EDARADD: variants seen among roughly 807,000 people sequenced by gnomAD.
EDARADD encodes EDAR associated via death domain.
EDARADD carries 20 observed loss-of-function variants against 25.6 expected under a neutral mutation model. The ratio of observed to expected loss-of-function variants is 0.78; its 90% CI spans 0.55 to 1.14. The LOEUF is 1.14. Ranked by LOEUF, EDARADD falls within the 50% of genes most tolerant of loss-of-function variation. The pLI, the probability that EDARADD is intolerant of heterozygous loss-of-function variation, is 0.00. For synonymous variants in EDARADD, 86 were observed against 94.4 expected (o/e 0.91, Z 0.52); for missense variants, 225 against 270.1 (o/e 0.83, Z 1.17).
chr1:236,397,722 C>T (rs1042261006), intron 1 of EDARADD, among the ~76,000 whole-genome samples: 2 of 152,148 alleles, frequency 1.3e-5, no homozygotes, highest in Non-Finnish European at 2.9e-5. Flanking sequence ...GAGCTCCCCA[C>T]CAGTTGGCAG....
chr1:236,374,626 T>G (rs1667205664), intron 3 of EDARADD, among the ~76,000 whole-genome samples: 1 of 152,118 alleles, frequency 6.6e-6, no homozygotes, highest in Non-Finnish European at 1.5e-5. Context: ...TATGTCTTCT[T>G]GAATAATTGA....
At chr1:236,448,468 G>A (rs1315132782) in intron 4 of EDARADD, among the ~76,000 whole-genome samples, 1 of 152,170 alleles carries the variant, frequency 6.6e-6, no homozygotes, top group Non-Finnish European at 1.5e-5. Context: ...GGCCCACAAT[G>A]ACAGCCCCAG....
chr1:236,466,457 ACACT>A (rs1285985728), intron 4 of EDARADD, among the ~76,000 whole-genome samples: 46 of 152,064 alleles, frequency 3.0e-4, no homozygotes, highest in East Asian at 1.4e-3. Flanking sequence ...ACACACACAC[ACACT>A]CACACTCACA....
intron 2 of EDARADD, among the ~76,000 whole-genome samples, chr1:236,413,458 G>A (rs985632544): frequency 3.9e-5 from 6 of 152,128 alleles, no homozygotes; most frequent in African/African-American, 1.4e-4. Context: ...GAGAGCTACA[G>A]GAAATTGTTC....
intron 3 of EDARADD, among the ~76,000 whole-genome samples, chr1:236,354,996 C>G (rs548733307): frequency 6.6e-6 from 1 of 152,350 alleles, no homozygotes; most frequent in East Asian, 1.9e-4. Context: ...CAAAAACCAT[C>G]CTGCCCTTTC....
At chr1:236,477,484 A>T (rs1228056735) in intron 5 of EDARADD, among the ~76,000 whole-genome samples, 1 of 152,206 alleles carries the variant, frequency 6.6e-6, no homozygotes, top group Admixed American at 6.5e-5. Context: ...AGAAAACCGT[A>T]CAGTGTTTCT....
intron 4 of EDARADD, among the ~76,000 whole-genome samples, chr1:236,457,049 C>G (rs1277275957): frequency 1.3e-5 from 2 of 152,070 alleles, no homozygotes; most frequent in African/African-American, 4.8e-5. Context: ...CCAACCTCCG[C>G]CCTCATTTCA....
At chr1:236,418,368 C>T (rs1657697403) in intron 3 of EDARADD, among the ~76,000 whole-genome samples, 1 of 152,038 alleles carries the variant, frequency 6.6e-6, no homozygotes, top group African/African-American at 2.4e-5. Flanking sequence ...CTTCAGCCTC[C>T]TGAGTAGCTG....
At chr1:236,476,304 G>T (rs1426421624) in intron 5 of EDARADD, among the ~76,000 whole-genome samples, 1 of 152,062 alleles carries the variant, frequency 6.6e-6, no homozygotes, top group African/African-American at 2.4e-5. Flanking sequence ...ATCTTACAAA[G>T]ATAAGACAAG....
chr1:236,379,560 C>T (rs1667273748), intron 3 of EDARADD, among the ~76,000 whole-genome samples: 2 of 152,014 alleles, frequency 1.3e-5, no homozygotes, highest in African/African-American at 2.4e-5. Context: ...GGGCAGATCA[C>T]CTCAGGTCAG....
At chr1:236,404,263 C>T (rs1248563339) in intron 1 of EDARADD, among the ~76,000 whole-genome samples, 1 of 152,210 alleles carries the variant, frequency 6.6e-6, no homozygotes, top group Non-Finnish European at 1.5e-5. Flanking sequence ...GTATCGTAAA[C>T]ATGCAACTCC....
chr1:236,413,411 C>A (rs572875361), intron 2 of EDARADD, among the ~76,000 whole-genome samples: 10 of 152,302 alleles, frequency 6.6e-5, no homozygotes, highest in African/African-American at 2.4e-4. Flanking sequence ...TTCTCCATTT[C>A]TTTCTCTCTC....
rs1281793545 is a variant in EDARADD, at chr1:236,370,768, G to A, written c.-6+19929G>A. 5.3e-5 allele frequency among the ~76,000 whole-genome samples: 8 copies of A among 152,222 alleles called. 1 individual carries two copies. In the South Asian group the frequency reaches 8.3e-4, roughly 16 times the overall value. On this transcript the variant is annotated intron_variant, in intron 3 of 7. Transcript: ENST00000439430. ...GCACACTGATCTTAGGAGCAGTTTA[G>A]GGAGAGTCAGAAGCTTGTAGCCTCC...
chr1:236,481,542 C>G (rs1032717282), intron 5 of EDARADD, among the ~76,000 whole-genome samples: 1 of 150,476 alleles, frequency 6.6e-6, no homozygotes, highest in African/African-American at 2.5e-5. Flanking sequence ...GTGGGCAGAT[C>G]ACTTGAGTCT....
intron 3 of EDARADD, among the ~76,000 whole-genome samples, chr1:236,380,181 A>G (rs1667281828): frequency 2.0e-5 from 3 of 152,202 alleles, no homozygotes; most frequent in Non-Finnish European, 4.4e-5. Context: ...GCATAAGACT[A>G]TTTGCGTCTT....
chr1:236,394,313 C>A lies in EDARADD; in HGVS notation c.-132C>A. The stretch of plus-strand genomic sequence containing the variant: ...ACCAAGAGGAAGTTTATCCTCCCAC[C>A]TACAAATTCCCCAGAGAGCTTTCAT... On this transcript the variant is annotated 5_prime_UTR_variant, in exon 1 of 6. Transcript: ENST00000334232. 1 of 1,003,854 alleles carries A rather than the reference C, an allele frequency of 1.0e-6. No homozygotes were observed. The highest frequency in any genetic ancestry group is 1.6e-6 in the Non-Finnish European group (1 of 645,094). 62.2% of individuals were successfully genotyped at this position (1,003,854 alleles called of 1,614,324 possible).
intron 3 of EDARADD, among the ~76,000 whole-genome samples, chr1:236,363,002 A>ATATATATAT (rs1455475348): frequency 1.9e-4 from 11 of 58,178 alleles, no homozygotes; most frequent in Admixed American, 4.4e-4. Context: ...AAAAAAAAAA[A>ATATATATAT]AAAAATATAT....
At chr1:236,369,799 T>C (rs1405571863) in intron 3 of EDARADD, among the ~76,000 whole-genome samples, 1 of 152,022 alleles carries the variant, frequency 6.6e-6, no homozygotes, top group Non-Finnish European at 1.5e-5. Flanking sequence ...ATTGCACCAT[T>C]GCACTCCAGC....
intron 4 of EDARADD, among the ~76,000 whole-genome samples, chr1:236,453,045 T>C (rs1268689743): frequency 6.6e-6 from 1 of 152,222 alleles, no homozygotes; most frequent in African/African-American, 2.4e-5. Context: ...ACAACTACCC[T>C]GATGTCTGTA....
Sources: allele counts gnomAD v4.1 joint callset (sites outside exome capture counted in the v4.1 genomes callset), GRCh38; gene constraint gnomAD v4.1.1; transcripts MANE v1.5; gene names NCBI Gene and HGNC (gene_info 2026-07-23, HGNC 2026-07-21).